The following RPS18 variants were observed in gnomAD, a reference collection of about 807,000 sequenced individuals.
The protein encoded by RPS18 is small ribosomal subunit protein uS13.
For synonymous variants in RPS18, 64 were observed against 70.9 expected, an observed-to-expected ratio of 0.90 and a Z score of 0.49; for missense variants, 49 against 200.8, an observed-to-expected ratio of 0.24 and a Z score of 4.57.
At position 33,275,983 on chromosome 6, in the gene RPS18, A is replaced by G; in HGVS notation, c.208A>G (p.Ile70Val). The change falls in exon 4 of 6, where the codon ATT becomes GTT. Residue 70 changes from isoleucine (I) to valine (V), a missense_variant. Coordinates refer to ENST00000439602, the MANE Select transcript of RPS18 (RefSeq NM_022551.3). ...CTGCCAGGTGGAACGTGTGATCACCATTATGCAGAATCCACGCCAGTACAA... is the reference window on the plus strand; with the variant it reads ...CTGCCAGGTGGAACGTGTGATCACCGTTATGCAGAATCCACGCCAGTACAA... ...TEDEVERVIT[I>V]MQNPRQYKIP... 6.2e-7 allele frequency: 1 copy of G among 1,614,172 alleles called. No individual in the cohort carries two copies. Among genetic ancestry groups the G allele is most frequent in the Non-Finnish European group, 8.5e-7 (1 of 1,180,030 alleles).
Position 33,272,098 on chromosome 6 carries a change from C to A in RPS18, c.-22C>A. The A allele has an allele frequency of 6.4e-7, 1 of 1,566,222 alleles. No individual in the cohort carries two copies. Among genetic ancestry groups the A allele is most frequent in the Non-Finnish European group, 8.7e-7 (1 of 1,155,296 alleles). On this transcript the variant is annotated 5_prime_UTR_variant, in exon 1 of 6. Coordinates refer to ENST00000439602, the MANE Select transcript of RPS18 (RefSeq NM_022551.3). ...CTCTCTCTTCCACAGGAGGCCTACA[C>A]GCCGCCGCTTGTGCTGCAGCCATGG... is the stretch of plus-strand genomic sequence containing the variant.
intron 1 of RPS18, 65 bp from the exon 2 acceptor site, chr6:33,272,563 C>G (rs986046548): frequency 1.5e-5 from 12 of 809,506 alleles, no homozygotes; most frequent in African/African-American, 3.4e-5. Context: ...GTTCGTTTGC[C>G]TTATCGGCCT....
Position 33,272,096 on chromosome 6 carries a change from C to G in RPS18, c.-24C>G, listed in dbSNP as rs139139654. ...CGCTCTCTCTTCCACAGGAGGCCTA[C>G]ACGCCGCCGCTTGTGCTGCAGCCAT... On this transcript the variant is annotated 5_prime_UTR_variant, in exon 1 of 6. Transcript: ENST00000439602. 8.7e-5 allele frequency: 137 copies of G among 1,565,946 alleles called. 1 individual carries two copies. The East Asian group carries it at 2.6e-3, about 30-fold the overall frequency.
At chr6:33,273,898 T>TAATA (rs9282485) in intron 2 of RPS18, among the ~76,000 whole-genome samples, 91,925 of 151,470 alleles carry the variant, frequency 0.61, 28,856 homozygotes, top group African/African-American at 0.75. Context: ...GTCATTTAAT[T>TAATA]AATAAATTTG....
At chr6:33,274,582 G>A (rs1409589329) in intron 2 of RPS18, among the ~76,000 whole-genome samples, 1 of 152,174 alleles carries the variant, frequency 6.6e-6, no homozygotes, top group Non-Finnish European at 1.5e-5. Context: ...AATTACTCTT[G>A]GCGCTGGAGG....
At position 33,276,208 on chromosome 6, in the gene RPS18, T is replaced by C; in HGVS notation, c.324T>C (p.Arg108=). Residue 108 remains arginine (R), a synonymous_variant, in exon 5 of 6, where the codon CGT becomes CGC. Transcript: ENST00000439602. ...CCAATGGTCTGGACAACAAGCTCCG[T>C]GAAGACCTGGAGCGACTGAAGAAGA... ...VLANGLDNKL[R]EDLERLKKIR... 2 of 1,614,126 alleles carry C rather than the reference T, an allele frequency of 1.2e-6. No individual in the cohort carries two copies. The highest frequency in any genetic ancestry group is 1.3e-5 in the African/African-American group (1 of 75,002).
At chr6:33,272,563 C>T (rs986046548) in intron 1 of RPS18, 65 bp from the exon 2 acceptor site, 13 of 809,506 alleles carry the variant, frequency 1.6e-5, no homozygotes, top group South Asian at 1.1e-4. Flanking sequence ...GTTCGTTTGC[C>T]TTATCGGCCT....
chr6:33,272,396 CCTG>C (rs768836882), intron 1 of RPS18: 52 of 604,712 alleles, frequency 8.6e-5, no homozygotes, highest in Middle Eastern at 4.2e-4. Context: ...GGGCAGGAGA[CCTG>C]CTTCCTCTCT....
chr6:33,276,307 G>C (rs1484319902), intron 5 of RPS18, 40 bp downstream of exon 5: 1 of 1,604,094 alleles, frequency 6.2e-7, no homozygotes, highest in African/African-American at 1.3e-5. Flanking sequence ...CCTCGACTCA[G>C]CATTCCTCCT....
intron 1 of RPS18, 30 bp downstream of exon 1, chr6:33,272,152 C>T (rs1765227988): frequency 1.3e-6 from 2 of 1,556,982 alleles, no homozygotes; most frequent in African/African-American, 2.7e-5. Context: ...CGTGATCCAG[C>T]GGCATCGCAG....
chr6:33,275,723 C>G, intron 2 of RPS18, 74 bp from the exon 3 acceptor site: 1 of 994,488 alleles, frequency 1.0e-6, no homozygotes, highest in Non-Finnish European at 1.6e-6. Flanking sequence ...CCTTTGTGAG[C>G]TTTTTGAATG....
intron 2 of RPS18, 127 bp downstream of exon 2, chr6:33,272,853 AAAG>A: frequency 1.4e-6 from 1 of 693,560 alleles, no homozygotes; most frequent in Non-Finnish European, 2.7e-6. Context: ...TGGATTAAGA[AAAG>A]AAAGTGGTTT....
rs1250264196 is a variant in RPS18, at chr6:33,272,140, G to A, written c.3+18G>A. 2 of 1,561,684 alleles carry A rather than the reference G, an allele frequency of 1.3e-6. No individual in the cohort carries two copies. The highest frequency in any genetic ancestry group is 2.4e-5 in the East Asian group (1 of 41,952). On this transcript the variant is annotated intron_variant, in intron 1 of 5. Coordinates refer to ENST00000439602, the MANE Select transcript of RPS18 (RefSeq NM_022551.3). ...CAGCCATGGTAAGACTGGAATCCGT[G>A]CCGTGATCCAGCGGCATCGCAGCTC...
At chr6:33,272,428 C>T (rs906697310) in intron 1 of RPS18, 200 bp from the exon 2 acceptor site, 2 of 613,436 alleles carry the variant, frequency 3.3e-6, no homozygotes, top group Admixed American at 5.7e-5. Flanking sequence ...TGCATTTTCC[C>T]AAGCTTGAAC....
At chr6:33,273,201 G>C (rs1174159022) in intron 2 of RPS18, among the ~76,000 whole-genome samples, 1 of 151,926 alleles carries the variant, frequency 6.6e-6, no homozygotes. Flanking sequence ...GAAGAAGTCT[G>C]AGTGGGACAT....
At chr6:33,275,619 CAA>C in intron 2 of RPS18, 176 bp from the exon 3 acceptor site, 1 of 649,406 alleles carries the variant, frequency 1.5e-6, no homozygotes, top group Non-Finnish European at 2.8e-6. Flanking sequence ...GCGACCGGCC[CAA>C]AGTTAACCTT....
chr6:33,272,249 TCC>T (rs1261519511), intron 1 of RPS18, 127 bp downstream of exon 1: 3 of 1,105,586 alleles, frequency 2.7e-6, no homozygotes, highest in Non-Finnish European at 4.0e-6. Context: ...TTGGATCGCG[TCC>T]CTGGAAAGGG....
At position 33,272,129 on chromosome 6, in the gene RPS18, C is replaced by A. The variant is rs1247216839; in HGVS notation, c.3+7C>A. 1 of 1,565,578 alleles carries A rather than the reference C, an allele frequency of 6.4e-7. No individual in the cohort carries two copies. Among genetic ancestry groups the A allele is most frequent in the Non-Finnish European group, 8.7e-7 (1 of 1,154,952 alleles). On this transcript the variant is annotated splice_region_variant and intron_variant, in intron 1 of 5. Coordinates refer to ENST00000439602, the MANE Select transcript of RPS18 (RefSeq NM_022551.3). ...CGCTTGTGCTGCAGCCATGGTAAGA[C>A]TGGAATCCGTGCCGTGATCCAGCGG...
chr6:33,274,322 A>G (rs1294727089), intron 2 of RPS18, among the ~76,000 whole-genome samples: 2 of 152,078 alleles, frequency 1.3e-5, no homozygotes, highest in Non-Finnish European at 2.9e-5. Context: ...TCAACTTTCC[A>G]AGTAGTTGGG....
Sources: gnomAD v4.1 joint callset for allele counts (sites outside exome capture counted in the v4.1 genomes callset) on GRCh38, gnomAD v4.1.1 for gene constraint, MANE v1.5 for transcripts, NCBI Gene and HGNC (gene_info 2026-07-23, HGNC 2026-07-21) for gene names.